CUL5: variants seen among roughly 807,000 people sequenced by gnomAD.
The protein encoded by CUL5 is cullin-5.
Under a neutral mutation model 108.8 loss-of-function variants are expected in CUL5, and 26 were observed. The observed-to-expected ratio is 0.24, with a 90% confidence interval of 0.18 to 0.33. CUL5 has a LOEUF of 0.33. CUL5 is among the 10% of genes least tolerant of loss of function. The pLI, the probability that CUL5 is intolerant of heterozygous loss-of-function variation, is 1.00. For missense variants in CUL5, 524 were observed against 909.2 expected (o/e 0.58, Z 5.45); for synonymous variants, 334 against 298.0 (o/e 1.12, Z -1.25).
chr11:108,065,772 C>T (rs968431026), intron 7 of CUL5, among the ~76,000 whole-genome samples: 10 of 152,100 alleles, frequency 6.6e-5, no homozygotes, highest in African/African-American at 2.2e-4. Flanking sequence ...TGAGTGCCCA[C>T]CTGATTTTTG....
intron 1 of CUL5, among the ~76,000 whole-genome samples, chr11:108,013,018 G>A (rs1421426220): frequency 2.6e-5 from 4 of 151,998 alleles, no homozygotes; most frequent in African/African-American, 9.7e-5. Context: ...TTAATGATAT[G>A]GCTTACTCTT....
At chr11:108,027,239 T>A (rs1320751475) in intron 1 of CUL5, among the ~76,000 whole-genome samples, 1 of 151,548 alleles carries the variant, frequency 6.6e-6, no homozygotes, top group Non-Finnish European at 1.5e-5. Context: ...CAGGCCTTAG[T>A]AGCTGGGATT....
chr11:108,018,683 A>AG (rs928604960), intron 1 of CUL5, among the ~76,000 whole-genome samples: 3 of 149,264 alleles, frequency 2.0e-5, no homozygotes, highest in African/African-American at 7.7e-5. Flanking sequence ...TTAAAAAAAA[A>AG]AGAGAGAGAG....
chr11:108,046,208 A>T, intron 2 of CUL5, 62 bp from the exon 3 acceptor site: 2 of 1,154,970 alleles, frequency 1.7e-6, no homozygotes, highest in South Asian at 1.4e-5. Context: ...AATAGAATTT[A>T]AGATGTTTTG....
At chr11:108,009,969 G>A (rs1862023076) in intron 1 of CUL5, among the ~76,000 whole-genome samples, 1 of 152,066 alleles carries the variant, frequency 6.6e-6, no homozygotes, top group African/African-American at 2.4e-5. Flanking sequence ...CCCCCACCCA[G>A]TTACAGGACA....
At chr11:108,016,311 G>T (rs1862189480) in intron 1 of CUL5, among the ~76,000 whole-genome samples, 1 of 151,992 alleles carries the variant, frequency 6.6e-6, no homozygotes, top group South Asian at 2.1e-4. Flanking sequence ...CTGTCCCCCA[G>T]TCTGGAGTAC....
At chr11:108,018,707 A>G (rs1301481134) in intron 1 of CUL5, among the ~76,000 whole-genome samples, 1 of 152,092 alleles carries the variant, frequency 6.6e-6, no homozygotes, top group African/African-American at 2.4e-5. Context: ...CATCACATAT[A>G]TGCACTTAAT....
At chr11:108,046,520 TCG>T in intron 3 of CUL5, 151 bp downstream of exon 3, 1 of 545,930 alleles carries the variant, frequency 1.8e-6, no homozygotes, top group Admixed American at 3.6e-5. Context: ...AATGAAATGA[TCG>T]TCATTAGTTG....
At chr11:108,040,141 A>G (rs528012847) in intron 2 of CUL5, among the ~76,000 whole-genome samples, 1 of 152,356 alleles carries the variant, frequency 6.6e-6, no homozygotes, top group Admixed American at 6.5e-5. Context: ...AGATTTTTCT[A>G]ATAAAGTTTT....
chr11:108,103,046 T>C (rs1288937906), intron 18 of CUL5, among the ~76,000 whole-genome samples: 1 of 152,094 alleles, frequency 6.6e-6, no homozygotes, highest in Non-Finnish European at 1.5e-5. Context: ...TCCACCCACA[T>C]CACCCTCCCA....
Position 108,073,416 on chromosome 11 carries a change from A to G in CUL5, c.1032A>G (p.Leu344=), listed in dbSNP as rs1863872410. 6.3e-7 allele frequency: 1 copy of G among 1,579,766 alleles called. No individual in the cohort carries two copies. The highest frequency in any genetic ancestry group is 1.4e-5 in the African/African-American group (1 of 73,610). Residue 344 remains leucine, a synonymous_variant, in exon 10 of 19, where the codon TTA becomes TTG. Coordinates refer to ENST00000393094, the MANE Select transcript of CUL5 (RefSeq NM_003478.6). ...TTDSEKYVEQ[L]LTLFNRFSKL... is the part of the protein sequence containing the mutation. ...ACTCTGAGAAATACGTTGAGCAGTT[A>G]CTTACACTATTTAATAGATTTAGTA...
chr11:108,093,732 A>G (rs997290276), intron 13 of CUL5, among the ~76,000 whole-genome samples: 3 of 152,166 alleles, frequency 2.0e-5, no homozygotes, highest in African/African-American at 7.2e-5. Context: ...TTTTCAAGCA[A>G]CAGGATCTTC....
In CUL5 at chr11:108,009,249, C is replaced by G. The variant is rs1321525011; in HGVS notation, c.-100C>G. On this transcript the variant is annotated 5_prime_UTR_variant, in exon 1 of 19. Coordinates refer to ENST00000393094, the MANE Select transcript of CUL5 (RefSeq NM_003478.6). The stretch of plus-strand genomic sequence containing the variant: ...CCCACCACACCCTGGTGCGGGCCGA[C>G]GGGCCCTGGGCCCTGGTGGGAGCTC... 4 of 1,347,048 alleles carry G rather than the reference C, an allele frequency of 3.0e-6. No individual in the cohort carries two copies. The highest frequency in any genetic ancestry group is 2.3e-4 in the Middle Eastern group (1 of 4,418). 83.4% of individuals were successfully genotyped at this position (1,347,048 alleles called of 1,614,324 possible). A position where few individuals can be genotyped will look rare whatever the true frequency, so the allele number is the denominator to read the frequency against.
intron 1 of CUL5, among the ~76,000 whole-genome samples, chr11:108,010,593 T>C (rs998779812): frequency 6.6e-6 from 1 of 152,240 alleles, no homozygotes; most frequent in African/African-American, 2.4e-5. Flanking sequence ...CAGTAGCGCC[T>C]GTATCATAGG....
At chr11:108,091,036 TTTTC>T (rs1002795774) in intron 13 of CUL5, among the ~76,000 whole-genome samples, 19 of 152,028 alleles carry the variant, frequency 1.2e-4, no homozygotes, top group Middle Eastern at 3.4e-3. Context: ...TAGAATTAAA[TTTTC>T]TTTCTTTCTT....
chr11:108,039,015 TTTTTTTTTTTTC>T (rs1862820314), intron 2 of CUL5, among the ~76,000 whole-genome samples: 1 of 145,582 alleles, frequency 6.9e-6, no homozygotes. Context: ...TCCTTCACTC[TTTTTTTTTTTTC>T]TTTTTAAATT....
At chr11:108,012,523 CTTT>C (rs34312194) in intron 1 of CUL5, among the ~76,000 whole-genome samples, 160 of 134,068 alleles carry the variant, frequency 1.2e-3, no homozygotes, top group East Asian at 5.7e-3. Flanking sequence ...TCCCCTCTTA[CTTT>C]TTTTTTTTTT....
At chr11:108,034,185 C>T (rs565514105) in intron 2 of CUL5, among the ~76,000 whole-genome samples, 11 of 152,184 alleles carry the variant, frequency 7.2e-5, no homozygotes, top group South Asian at 4.2e-4. Flanking sequence ...GGGTGAAGTG[C>T]AGGAAAAAAC....
At chr11:108,038,028 C>G (rs1862789662) in intron 2 of CUL5, among the ~76,000 whole-genome samples, 1 of 152,046 alleles carries the variant, frequency 6.6e-6, no homozygotes, top group Non-Finnish European at 1.5e-5. Flanking sequence ...TTCTAATTTC[C>G]GAAATGATGT....
Sources: gnomAD v4.1 joint callset for allele counts (sites outside exome capture counted in the v4.1 genomes callset) on GRCh38, gnomAD v4.1.1 for gene constraint, MANE v1.5 for transcripts, NCBI Gene and HGNC (gene_info 2026-07-23, HGNC 2026-07-21) for gene names.